Variants in FBXL4 observed in about 807,000 individuals in gnomAD.
FBXL4 encodes F-box/LRR-repeat protein 4.
Under a neutral mutation model 58.9 loss-of-function variants are expected in FBXL4, and 40 were observed. That is an observed-to-expected ratio of 0.68 (90% CI 0.53 to 0.88). The LOEUF (loss-of-function observed/expected upper bound fraction) is 0.88. Ranked by LOEUF, FBXL4 falls within the 40% of genes least tolerant of loss-of-function variation. The pLI, the probability that FBXL4 is intolerant of heterozygous loss-of-function variation, is 0.00. For missense variants in FBXL4, 676 were observed against 734.4 expected (o/e 0.92, Z 0.92); for synonymous variants, 263 against 265.5 (o/e 0.99, Z 0.09).
intron 7 of FBXL4, among the ~76,000 whole-genome samples, chr6:98,881,328 ATTTT>A (rs1294910787): frequency 6.6e-6 from 1 of 152,156 alleles, no homozygotes; most frequent in Non-Finnish European, 1.5e-5. Context: ...ACCCTAAAAT[ATTTT>A]TTTAAAAAAG....
At position 98,874,006 on chromosome 6, in the gene FBXL4, T is replaced by C. The variant is rs188288630; in HGVS notation, c.*272A>G. On this transcript the variant is annotated 3_prime_UTR_variant, in exon 10 of 10. Transcript: ENST00000369244. ...GTTAGCATGATTCCATGTTATTCTT[T>C]TATCAATCATATTATTGACTAAAGC... is the stretch of plus-strand genomic sequence containing the variant. The C allele has an allele frequency of 4.1e-6, 1 of 241,908 alleles. No homozygotes were observed. Among genetic ancestry groups the C allele is most frequent in the Admixed American group, 5.5e-5 (1 of 18,154 alleles). 15.0% of individuals were successfully genotyped at this position (241,908 alleles called of 1,614,324 possible). A position where few individuals can be genotyped will look rare whatever the true frequency, so the allele number is the denominator to read the frequency against.
chr6:98,936,482 C>T (rs770343913), intron 1 of FBXL4, among the ~76,000 whole-genome samples: 5 of 152,180 alleles, frequency 3.3e-5, no homozygotes, highest in African/African-American at 4.8e-5. Context: ...TCTGTCTCTG[C>T]GATCTCTGAA....
intron 1 of FBXL4, among the ~76,000 whole-genome samples, chr6:98,941,688 C>T (rs1322658420): frequency 2.6e-5 from 4 of 152,162 alleles, no homozygotes; most frequent in African/African-American, 9.7e-5. Context: ...GTCTGGAAAA[C>T]AGAATAGTGA....
rs1770498804 is a variant in FBXL4, at chr6:98,871,869, T to C, written c.*2409A>G. 3 of 152,218 alleles carry C rather than the reference T, an allele frequency of 2.0e-5. No individual in the cohort carries two copies. The highest frequency in any genetic ancestry group is 7.2e-5 in the African/African-American group (3 of 41,450). 9.4% of individuals were successfully genotyped at this position (152,218 alleles called of 1,614,324 possible). A position where few individuals can be genotyped will look rare whatever the true frequency, so the allele number is the denominator to read the frequency against. Reference sequence around the variant, plus strand: ...GAGCTTTTGCGTTCAGGGCTGATATTGACATTTTTCTGAAAAAGAAGACAT... The same window carrying C: ...GAGCTTTTGCGTTCAGGGCTGATATCGACATTTTTCTGAAAAAGAAGACAT... On this transcript the variant is annotated 3_prime_UTR_variant, in exon 10 of 10. Transcript: ENST00000369244.
Position 98,920,787 on chromosome 6 carries a change from C to T in FBXL4, c.513-3068G>A, listed in dbSNP as rs1772549388. Among the ~76,000 whole-genome samples the T allele has an allele frequency of 2.0e-5, 3 of 150,652 alleles. No homozygotes were observed. The South Asian group carries it at 6.3e-4, about 32-fold the overall frequency. On this transcript the variant is annotated intron_variant, in intron 4 of 9. Transcript: ENST00000369244. ...GTGAAAACAAGAAAACAAACATAAACATACGCACATGTACATATGGGTACA... is the reference window on the plus strand; with the variant it reads ...GTGAAAACAAGAAAACAAACATAAATATACGCACATGTACATATGGGTACA...
At position 98,874,282 on chromosome 6, in the gene FBXL4, T is replaced by C. The variant is rs1270762276; in HGVS notation, c.1862A>G (p.Gln621Arg). 1 of 1,581,584 alleles carries C rather than the reference T, an allele frequency of 6.3e-7. No homozygotes were observed. The highest frequency in any genetic ancestry group is 8.5e-7 in the Non-Finnish European group (1 of 1,170,110). The change falls in exon 10 of 10, where the codon CAG becomes CGG. Residue 621 changes from glutamine to arginine, a missense_variant. Coordinates refer to ENST00000369244, the MANE Select transcript of FBXL4 (RefSeq NM_001278716.2). ...PKVFIKKSFT[Q>R] ...TAATACAGAACATATATTAAGTCAC[T>C]GAGTAAAGCTCTTTTTTATGAACAC...
intron 5 of FBXL4, 90 bp downstream of exon 5, chr6:98,917,284 C>G: frequency 2.3e-6 from 2 of 882,100 alleles, no homozygotes; most frequent in Middle Eastern, 2.3e-4. Flanking sequence ...TACCAATGCT[C>G]AATTACCGAT....
chr6:98,872,884 A>G lies in FBXL4; in HGVS notation c.*1394T>C, dbSNP rs1770530846. ...AGTTTCCTCATCTGTAAATGGGGGT[A>G]AGTAATGGCATTTATCTTACAGGGT... On this transcript the variant is annotated 3_prime_UTR_variant, in exon 10 of 10. Transcript: ENST00000369244. The G allele has an allele frequency of 1.3e-5, 2 of 152,174 alleles. No individual in the cohort carries two copies. Among genetic ancestry groups the G allele is most frequent in the African/African-American group, 4.8e-5 (2 of 41,434 alleles). The allele number at this position is 152,174 out of a possible 1,614,324, so 9.4% of individuals were successfully genotyped here.
rs934039615 is a variant in FBXL4, at chr6:98,898,973, C to T, written c.1317+295G>A. 5 of 985,272 alleles carry T rather than the reference C, an allele frequency of 5.1e-6. No individual in the cohort carries two copies. The African/African-American group carries it at 8.7e-5, about 17-fold the overall frequency. The allele number at this position is 985,272 out of a possible 1,614,324, so 61.0% of individuals were successfully genotyped here. ...TCCTCCTACCTTTCTCTAATTCATT[C>T]CCTGCCAGCATTTTGGCTTACCTCA... On this transcript the variant is annotated intron_variant, in intron 7 of 9. Transcript: ENST00000369244.
At chr6:98,928,953 G>A (rs1409729013) in intron 2 of FBXL4, among the ~76,000 whole-genome samples, 1 of 152,002 alleles carries the variant, frequency 6.6e-6, no homozygotes, top group Non-Finnish European at 1.5e-5. Context: ...TACTGGCACT[G>A]CATTTTTATG....
intron 5 of FBXL4, among the ~76,000 whole-genome samples, chr6:98,915,435 G>A (rs1456693884): frequency 6.6e-6 from 1 of 152,052 alleles, no homozygotes; most frequent in Non-Finnish European, 1.5e-5. Context: ...CAAGGCTACA[G>A]TAACCAAAAC....
At chr6:98,933,388 C>T (rs1773086671) in intron 2 of FBXL4, among the ~76,000 whole-genome samples, 1 of 152,086 alleles carries the variant, frequency 6.6e-6, no homozygotes, top group Non-Finnish European at 1.5e-5. Flanking sequence ...CCCGCCTTCC[C>T]CTTCCCTTTC....
intron 8 of FBXL4, among the ~76,000 whole-genome samples, chr6:98,877,864 G>A (rs551959080): frequency 6.6e-6 from 1 of 152,084 alleles, no homozygotes; most frequent in Non-Finnish European, 1.5e-5. Flanking sequence ...GAAGTAAAAA[G>A]AAATAGATAA....
intron 7 of FBXL4, among the ~76,000 whole-genome samples, chr6:98,891,877 C>T (rs946932985): frequency 1.3e-5 from 2 of 152,146 alleles, no homozygotes; most frequent in Non-Finnish European, 2.9e-5. Flanking sequence ...AGATTTCTTA[C>T]ACCTGGCTTA....
rs59697294 is a variant in FBXL4 at position 98,943,579 on chromosome 6, C to CA, written c.-309+4226dup. 2.5e-3 allele frequency among the ~76,000 whole-genome samples: 194 copies of CA among 76,582 alleles called. 5 individuals are homozygous for CA. The highest frequency in any genetic ancestry group is 5.7e-3 in the East Asian group (14 of 2,460). The allele number at this position is 76,582 out of a possible 152,430, so 50.2% of individuals were successfully genotyped here. ...TGGGTGACAGAGCAAGACTCTGTCT[C>CA]AAAAAAAAAAAAAAAAAAAAAGAAG... On this transcript the variant is annotated intron_variant, in intron 1 of 9. Coordinates refer to ENST00000369244, the MANE Select transcript of FBXL4 (RefSeq NM_001278716.2).
At chr6:98,911,903 A>C (rs1345547440) in intron 5 of FBXL4, among the ~76,000 whole-genome samples, 5 of 152,210 alleles carry the variant, frequency 3.3e-5, no homozygotes. Context: ...ATTCAAACCA[A>C]AGGCAAAGAA....
intron 7 of FBXL4, among the ~76,000 whole-genome samples, chr6:98,886,045 G>A (rs918226964): frequency 2.0e-5 from 3 of 152,142 alleles, no homozygotes; most frequent in Non-Finnish European, 2.9e-5. Context: ...CCATAGTCAA[G>A]CACCAGATAA....
In FBXL4 at chr6:98,874,430, C is replaced by T; in HGVS notation, c.1714G>A (p.Val572Ile). ...QQLDILGTRM[V>I]SPASLRKLLE... ...AGTTTTCTTAAGGATGCCGGACTTA[C>T]CATTCTTGTTCCTATTTAAGGGAAA... The change falls in exon 10 of 10, where the codon GTA (valine) becomes ATA (isoleucine). Residue 572 changes from valine to isoleucine, a missense_variant. Transcript: ENST00000369244. 1.9e-6 allele frequency: 3 copies of T among 1,606,664 alleles called. No individual in the cohort carries two copies. Among genetic ancestry groups the T allele is most frequent in the Non-Finnish European group, 2.5e-6 (3 of 1,178,194 alleles).
At chr6:98,897,035 A>G in intron 7 of FBXL4, 2 of 984,744 alleles carry the variant, frequency 2.0e-6, no homozygotes, top group South Asian at 9.4e-5. Context: ...CACAATAGAT[A>G]TAAGATGCCT....
Sources: gnomAD v4.1 joint callset for allele counts (sites outside exome capture counted in the v4.1 genomes callset) on GRCh38, gnomAD v4.1.1 for gene constraint, MANE v1.5 for transcripts, NCBI Gene and HGNC (gene_info 2026-07-23, HGNC 2026-07-21) for gene names.